Variants in MED17 observed in about 807,000 individuals in gnomAD.
MED17 encodes the protein mediator complex subunit 17.
In MED17, 49 loss-of-function variants were observed where a neutral mutation model predicts 80.8. The ratio of observed to expected loss-of-function variants is 0.61; its 90% CI spans 0.48 to 0.77. The LOEUF (loss-of-function observed/expected upper bound fraction) is 0.77. Among genes scored for constraint, MED17 ranks in the 30% least tolerant of loss-of-function variants. The pLI is 0.00. For missense variants in MED17, 718 were observed against 787.0 expected, an observed-to-expected ratio of 0.91 and a Z score of 1.05; for synonymous variants, 281 against 280.4, an observed-to-expected ratio of 1.00 and a Z score of -0.02.
chr11:93,801,639 GC>G, intron 8 of MED17, 195 bp from the exon 9 acceptor site: 1 of 567,616 alleles, frequency 1.8e-6, no homozygotes, highest in African/African-American at 1.9e-5. Flanking sequence ...GTAATGTCAA[GC>G]TGAGAACCTA....
At chr11:93,804,544 C>G (rs1336794863) in intron 9 of MED17, among the ~76,000 whole-genome samples, 1 of 152,172 alleles carries the variant, frequency 6.6e-6, no homozygotes, top group Non-Finnish European at 1.5e-5. Context: ...CTAGGAAAGT[C>G]TATGTATTTA....
chr11:93,812,094 C>T lies in MED17; in HGVS notation c.*30C>T. On this transcript the variant is annotated 3_prime_UTR_variant, in exon 12 of 12. Transcript: ENST00000251871. The stretch of plus-strand genomic sequence containing the variant: ...TTCCAGATGTTTCCTAAAGAAGTTT[C>T]CAGAAACTTTGACTTGAAATGTTTG... The T allele has an allele frequency of 6.3e-7, 1 of 1,591,880 alleles. No individual in the cohort carries two copies. The highest frequency in any genetic ancestry group is 8.6e-7 in the Non-Finnish European group (1 of 1,160,058).
chr11:93,792,804 G>A (rs1943851747), intron 3 of MED17, among the ~76,000 whole-genome samples: 1 of 152,118 alleles, frequency 6.6e-6, no homozygotes, highest in South Asian at 2.1e-4. Flanking sequence ...AGCTGGGTGT[G>A]ATGGCATGTA....
Position 93,813,426 on chromosome 11 carries a change from T to C in MED17, c.*1362T>C, listed in dbSNP as rs879446696. 3.9e-5 allele frequency: 6 copies of C among 152,230 alleles called. No homozygotes were observed. Among genetic ancestry groups the C allele is most frequent in the Non-Finnish European group, 5.9e-5 (4 of 68,032 alleles). The allele number at this position is 152,230 out of a possible 1,614,324, so 9.4% of individuals were successfully genotyped here. A position where few individuals can be genotyped will look rare whatever the true frequency, so the allele number is the denominator to read the frequency against. On this transcript the variant is annotated 3_prime_UTR_variant, in exon 12 of 12. Coordinates refer to ENST00000251871, the MANE Select transcript of MED17 (RefSeq NM_004268.5). The stretch of plus-strand genomic sequence containing the variant: ...AATAATTGGTATGAATTTGCAGTTA[T>C]TTAAAAATCTTGAGTGCTTCAAAAA...
At chr11:93,790,085 GTCAT>G (rs1279486300) in intron 2 of MED17, among the ~76,000 whole-genome samples, 2 of 152,182 alleles carry the variant, frequency 1.3e-5, no homozygotes, top group Non-Finnish European at 2.9e-5. Context: ...ACCCATTGCA[GTCAT>G]TCATTCATTC....
At chr11:93,798,519 A>G (rs963953490) in intron 8 of MED17, among the ~76,000 whole-genome samples, 1 of 151,898 alleles carries the variant, frequency 6.6e-6, no homozygotes. Flanking sequence ...TTAGTACATT[A>G]GTTTGTAGTC....
chr11:93,802,109 G>T, intron 9 of MED17, 137 bp downstream of exon 9: 18 of 613,460 alleles, frequency 2.9e-5, no homozygotes, highest in African/African-American at 3.9e-5. Context: ...GCTGTAGAGT[G>T]TTTTTTTTTT....
Position 93,803,976 on chromosome 11 carries a change from T to C in MED17, c.1466+2004T>C, listed in dbSNP as rs967019007. ...TGGAATGTGTATGTGTGTATATGTG[T>C]GTGTGTGTGTATATATGTGTGTGTA... On this transcript the variant is annotated intron_variant, in intron 9 of 11. Transcript: ENST00000251871. Among the ~76,000 whole-genome samples, 193 of 97,222 alleles carry C rather than the reference T, an allele frequency of 2.0e-3. 1 individual carries two copies. The highest frequency in any genetic ancestry group is 9.0e-3 in the African/African-American group (177 of 19,762). 63.8% of individuals were successfully genotyped at this position (97,222 alleles called of 152,430 possible).
At chr11:93,803,992 T>C (rs1332629169) in intron 9 of MED17, among the ~76,000 whole-genome samples, 65 of 2,372 alleles carry the variant, frequency 0.027, no homozygotes, top group Admixed American at 0.048. Flanking sequence ...TGTGTATATA[T>C]GTGTGTGTAT....
At position 93,794,022 on chromosome 11, in the gene MED17, C is replaced by G; in HGVS notation, c.846C>G (p.Pro282=). Residue 282 remains proline (P), a synonymous_variant, in exon 5 of 12, where the codon CCC becomes CCG. Coordinates refer to ENST00000251871, the MANE Select transcript of MED17 (RefSeq NM_004268.5). The part of the protein sequence containing the change: ...GTVNLFKRPL[P]KSKPGSPHWQ... The stretch of plus-strand genomic sequence containing the variant: ...TTAACCTCTTCAAACGACCTTTGCC[C>G]AAATCCAAACCAGGTATGGTTATGT... 1.9e-6 allele frequency: 3 copies of G among 1,613,052 alleles called. No homozygotes were observed. The highest frequency in any genetic ancestry group is 2.5e-6 in the Non-Finnish European group (3 of 1,179,188).
chr11:93,787,775 T>G (rs1943785530), intron 1 of MED17, among the ~76,000 whole-genome samples: 1 of 152,172 alleles, frequency 6.6e-6, no homozygotes, highest in Non-Finnish European at 1.5e-5. Flanking sequence ...AATGATAAAT[T>G]TAACCTGTGG....
In MED17 at chr11:93,794,978, GCT is replaced by G. The variant is rs866980922; in HGVS notation, c.936_937del (p.Arg313GlyfsTer6). The part of the protein sequence containing the change: ...VLLCKEIFAQ[L>X]SREAVQIKSQ... ...TCTTATGTAAAGAAATTTTTGCACA[GCT>G]CTCTCGGGAAGCTGTTCAAATTAAA... On this transcript the variant is annotated frameshift_variant, in exon 6 of 12. Coordinates refer to ENST00000251871, the MANE Select transcript of MED17 (RefSeq NM_004268.5). LOFTEE classifies it high-confidence loss of function. The G allele has an allele frequency of 1.2e-6, 2 of 1,614,032 alleles. No homozygotes were observed. Among genetic ancestry groups the G allele is most frequent in the East Asian group, 2.2e-5 (1 of 44,888 alleles).
intron 3 of MED17, 169 bp from the exon 4 acceptor site, chr11:93,793,559 C>A: frequency 1.9e-6 from 1 of 537,818 alleles, no homozygotes; most frequent in Non-Finnish European, 3.2e-6. Flanking sequence ...CTTTATCTTT[C>A]TTTCCTTTGT....
intron 2 of MED17, 70 bp from the exon 3 acceptor site, chr11:93,790,504 T>G (rs1253273627): frequency 7.4e-7 from 1 of 1,360,430 alleles, no homozygotes; most frequent in Non-Finnish European, 1.0e-6. Flanking sequence ...ATTTTATTAT[T>G]GATAAAATGT....
chr11:93,796,683 T>TTCCCCTAGCACACA, intron 7 of MED17, 143 bp downstream of exon 7: 1 of 990,276 alleles, frequency 1.0e-6, no homozygotes, highest in Non-Finnish European at 1.6e-6. Flanking sequence ...CCTTGCTGTG[T>TTCCCCTAGCACACA]GCTAGGGGAA....
intron 2 of MED17, chr11:93,788,578 G>A (rs1591382435): frequency 1.2e-5 from 2 of 167,170 alleles, no homozygotes; most frequent in African/African-American, 4.8e-5. Flanking sequence ...CTACTCAGAA[G>A]GCTGAGGCAG....
intron 10 of MED17, 39 bp downstream of exon 10, chr11:93,807,674 C>T (rs1230395445): frequency 2.7e-6 from 3 of 1,124,262 alleles, no homozygotes; most frequent in African/African-American, 1.5e-5. Flanking sequence ...CCCTTCTTCG[C>T]ATAGCTACTT....
chr11:93,804,738 A>G (rs1438513024), intron 9 of MED17, among the ~76,000 whole-genome samples: 1 of 152,230 alleles, frequency 6.6e-6, no homozygotes, highest in East Asian at 1.9e-4. Context: ...TCTTTAGTAT[A>G]TTCCCTATGT....
chr11:93,804,018 TATATATATAC>T (rs1213742026), intron 9 of MED17, among the ~76,000 whole-genome samples: 9 of 118,624 alleles, frequency 7.6e-5, no homozygotes, highest in South Asian at 5.4e-4. Context: ...TATATATATA[TATATATATAC>T]ACACACACAT....
Sources: gnomAD v4.1 joint callset for allele counts (sites outside exome capture counted in the v4.1 genomes callset) on GRCh38, gnomAD v4.1.1 for gene constraint, MANE v1.5 for transcripts, NCBI Gene and HGNC (gene_info 2026-07-23, HGNC 2026-07-21) for gene names.